The following FHIT variants were observed in gnomAD, a reference collection of about 807,000 sequenced individuals.
The protein encoded by FHIT is fragile histidine triad diadenosine triphosphatase, also known as bis(5'-adenosyl)-triphosphatase.
In FHIT, 19 loss-of-function variants were observed where a neutral mutation model predicts 17.9. That is an observed-to-expected ratio of 1.06 (90% CI 0.74 to 1.56). FHIT has a LOEUF of 1.56. Among genes scored for constraint, FHIT ranks in the 40% most tolerant of loss-of-function variants. FHIT has a pLI of 0.00. For synonymous variants in FHIT, 81 were observed against 69.7 expected, an observed-to-expected ratio of 1.16 and a Z score of -0.81; for missense variants, 248 against 189.2, an observed-to-expected ratio of 1.31 and a Z score of -1.82.
chr3:60,408,914 A>G (rs1418103484), intron 5 of FHIT, among the ~76,000 whole-genome samples: 2 of 152,152 alleles, frequency 1.3e-5, no homozygotes. Context: ...GCCATAGATT[A>G]AAGAATGGAT....
chr3:60,461,038 C>T (rs2032428243), intron 5 of FHIT, among the ~76,000 whole-genome samples: 1 of 151,646 alleles, frequency 6.6e-6, no homozygotes, highest in South Asian at 2.1e-4. Flanking sequence ...GCACAGAACA[C>T]TTTCTTTAAG....
At chr3:60,096,014 A>T (rs1703932479) in intron 5 of FHIT, among the ~76,000 whole-genome samples, 1 of 152,170 alleles carries the variant, frequency 6.6e-6, no homozygotes, top group African/African-American at 2.4e-5. Flanking sequence ...ATACACCTTG[A>T]AGGAGTTGAC....
chr3:61,179,880 G>T (rs539633698), intron 2 of FHIT, among the ~76,000 whole-genome samples: 1 of 152,210 alleles, frequency 6.6e-6, no homozygotes, highest in South Asian at 2.1e-4. Flanking sequence ...CTAGATGCTG[G>T]TTCCTTAGGC....
intron 4 of FHIT, among the ~76,000 whole-genome samples, chr3:60,557,665 C>T (rs189156766): frequency 5.2e-4 from 79 of 151,864 alleles, no homozygotes; most frequent in Middle Eastern, 3.4e-3. Context: ...GGGAGCAATG[C>T]TACTTCAAGC....
intron 5 of FHIT, among the ~76,000 whole-genome samples, chr3:60,291,038 T>A (rs940431184): frequency 1.8e-4 from 28 of 152,156 alleles, no homozygotes; most frequent in African/African-American, 6.0e-4. Flanking sequence ...CAGATGAGAC[T>A]AAAGCGGCCT....
chr3:60,067,787 T>C (rs920288069), intron 5 of FHIT, among the ~76,000 whole-genome samples: 1 of 152,208 alleles, frequency 6.6e-6, no homozygotes, highest in African/African-American at 2.4e-5. Context: ...GTTAACTAGA[T>C]GAATGTCCCA....
chr3:60,025,658 A>C (rs1328491298), intron 5 of FHIT, among the ~76,000 whole-genome samples: 1 of 152,058 alleles, frequency 6.6e-6, no homozygotes, highest in Admixed American at 6.6e-5. Flanking sequence ...ACACATAAAG[A>C]TGATTGTGTG....
intron 5 of FHIT, among the ~76,000 whole-genome samples, chr3:60,291,057 G>A (rs997724232): frequency 8.5e-5 from 13 of 152,144 alleles, no homozygotes; most frequent in African/African-American, 2.9e-4. Context: ...CTCATTGTCT[G>A]GGATGATAAT....
chr3:60,073,474 T>C (rs1288679854), intron 5 of FHIT, among the ~76,000 whole-genome samples: 1 of 152,128 alleles, frequency 6.6e-6, no homozygotes, highest in Non-Finnish European at 1.5e-5. Context: ...ATATAGGCTC[T>C]CATAGTACAT....
intron 3 of FHIT, among the ~76,000 whole-genome samples, chr3:60,960,314 G>A (rs554950033): frequency 1.3e-5 from 2 of 152,202 alleles, no homozygotes; most frequent in Admixed American, 6.5e-5. Context: ...ATAATCTGAC[G>A]TCTAAAGAGC....
intron 5 of FHIT, among the ~76,000 whole-genome samples, chr3:60,079,206 G>A (rs141696681): frequency 3.3e-4 from 51 of 152,270 alleles, no homozygotes; most frequent in African/African-American, 1.1e-3. Flanking sequence ...GTTACTGTCT[G>A]AAAGCAGTTT....
intron 5 of FHIT, among the ~76,000 whole-genome samples, chr3:60,534,702 G>A (rs2035919409): frequency 6.6e-6 from 1 of 152,040 alleles, no homozygotes; most frequent in African/African-American, 2.4e-5. Flanking sequence ...CAAACAAACT[G>A]AAGTGTGTTA....
chr3:60,275,604 C>A (rs1707090581), intron 5 of FHIT, among the ~76,000 whole-genome samples: 1 of 152,228 alleles, frequency 6.6e-6, no homozygotes, highest in South Asian at 2.1e-4. Context: ...CCTGAGTTCA[C>A]AGATGTTGTC....
At chr3:60,315,011 C>T (rs1331162099) in intron 5 of FHIT, among the ~76,000 whole-genome samples, 1 of 152,138 alleles carries the variant, frequency 6.6e-6, no homozygotes, top group African/African-American at 2.4e-5. Context: ...CAAACACTAG[C>T]TTTCAAATCC....
In FHIT at chr3:60,200,609, G is replaced by C. The variant is rs141050415; in HGVS notation, c.104-186457C>G. On this transcript the variant is annotated intron_variant, in intron 5 of 9. Transcript: ENST00000492590. ...ATCCATGCTTTGAACTCTAGGGACAGCATTAAACTGAAGCACCAGTGTCTT... is the reference window on the plus strand; with the variant it reads ...ATCCATGCTTTGAACTCTAGGGACACCATTAAACTGAAGCACCAGTGTCTT... 6.9e-3 allele frequency among the ~76,000 whole-genome samples: 1,046 copies of C among 151,794 alleles called. 3 individuals carry two copies. Among genetic ancestry groups the C allele is most frequent in the Non-Finnish European group, 9.2e-3 (623 of 67,956 alleles).
chr3:60,980,063 TC>T (rs1191759912), intron 3 of FHIT, among the ~76,000 whole-genome samples: 1 of 152,218 alleles, frequency 6.6e-6, no homozygotes, highest in African/African-American at 2.4e-5. Flanking sequence ...ATTCATCTAC[TC>T]AAAAGCTGCA....
intron 4 of FHIT, among the ~76,000 whole-genome samples, chr3:60,624,929 G>C (rs1055917638): frequency 7.8e-6 from 1 of 128,262 alleles, no homozygotes; most frequent in Non-Finnish European, 1.7e-5. Flanking sequence ...GTTTGTTTTT[G>C]AGACAGTCTT....
intron 3 of FHIT, among the ~76,000 whole-genome samples, chr3:60,864,355 G>A (rs1003676772): frequency 5.3e-5 from 8 of 152,070 alleles, no homozygotes; most frequent in African/African-American, 9.7e-5. Context: ...AGTTACTATC[G>A]GTAAGTGGTG....
intron 5 of FHIT, among the ~76,000 whole-genome samples, chr3:60,140,428 G>A (rs760235798): frequency 6.6e-6 from 1 of 152,052 alleles, no homozygotes; most frequent in Non-Finnish European, 1.5e-5. Context: ...TTGGCAGTGA[G>A]GGGGAAAAAG....
Sources: gnomAD v4.1 joint callset for allele counts (sites outside exome capture counted in the v4.1 genomes callset) on GRCh38, gnomAD v4.1.1 for gene constraint, MANE v1.5 for transcripts, NCBI Gene and HGNC (gene_info 2026-07-23, HGNC 2026-07-21) for gene names.